Variants in MIPEP observed in about 807,000 individuals in gnomAD.
The protein encoded by MIPEP is mitochondrial intermediate peptidase.
In MIPEP, 79 loss-of-function variants were observed where a neutral mutation model predicts 90.3. The observed-to-expected ratio is 0.87, with a 90% CI of 0.73 to 1.05. MIPEP has a LOEUF of 1.05. Ranked by LOEUF, MIPEP falls within the 50% of genes least tolerant of loss-of-function variation. The probability of loss-of-function intolerance (pLI) is 0.00; values close to 1 mark genes in which losing one functional copy is unlikely to be tolerated. For missense variants in MIPEP, 940 were observed against 905.6 expected, an observed-to-expected ratio of 1.04 and a Z score of -0.49; for synonymous variants, 334 against 315.8, an observed-to-expected ratio of 1.06 and a Z score of -0.61.
At chr13:23,779,916 G>A (rs1449608650) in intron 16 of MIPEP, among the ~76,000 whole-genome samples, 2 of 152,196 alleles carry the variant, frequency 1.3e-5, no homozygotes, top group South Asian at 2.1e-4. Flanking sequence ...GGGGAGGGGC[G>A]CCCACCATTG....
intron 14 of MIPEP, among the ~76,000 whole-genome samples, chr13:23,816,027 A>G (rs1953232046): frequency 6.6e-6 from 1 of 152,212 alleles, no homozygotes; most frequent in Non-Finnish European, 1.5e-5. Flanking sequence ...GTCTACTGTA[A>G]TTATTACTTC....
intron 2 of MIPEP, among the ~76,000 whole-genome samples, chr13:23,883,379 T>C (rs562244227): frequency 6.6e-5 from 10 of 152,040 alleles, no homozygotes; most frequent in Non-Finnish European, 8.8e-5. Context: ...AGACAACAAA[T>C]ACACAGTGAA....
chr13:23,884,545 C>T (rs1468472005), intron 2 of MIPEP, among the ~76,000 whole-genome samples: 1 of 152,150 alleles, frequency 6.6e-6, no homozygotes, highest in African/African-American at 2.4e-5. Flanking sequence ...CTGCACCACA[C>T]GCTGGCCAGC....
intron 3 of MIPEP, 103 bp downstream of exon 3, chr13:23,881,596 G>A (rs2137536509): frequency 3.1e-6 from 3 of 971,506 alleles, no homozygotes. Flanking sequence ...CCACCCTGCT[G>A]GGTGAGGGAC....
intron 16 of MIPEP, among the ~76,000 whole-genome samples, chr13:23,775,109 C>CTG (rs57354012): frequency 0.015 from 2,197 of 148,956 alleles, 24 homozygotes; most frequent in African/African-American, 0.027. Context: ...TATCAGTTCT[C>CTG]TGTGTGTGTG....
At chr13:23,878,472 C>T (rs1337972798) in intron 4 of MIPEP, among the ~76,000 whole-genome samples, 1 of 151,744 alleles carries the variant, frequency 6.6e-6, no homozygotes, top group African/African-American at 2.4e-5. Context: ...CATATGGAGA[C>T]AAAATAGAAG....
chr13:23,806,726 A>ATCTC (rs1443011744), intron 15 of MIPEP, among the ~76,000 whole-genome samples: 1 of 146,836 alleles, frequency 6.8e-6, no homozygotes, highest in African/African-American at 2.7e-5. Flanking sequence ...ATATCTATCT[A>ATCTC]TCTATCTATC....
chr13:23,853,910 T>C (rs1314386371), intron 10 of MIPEP, among the ~76,000 whole-genome samples: 6 of 151,504 alleles, frequency 4.0e-5, no homozygotes. Context: ...AAGTGGCACA[T>C]GACTGTACAT....
chr13:23,828,414 T>C (rs1027306518), intron 14 of MIPEP, among the ~76,000 whole-genome samples: 2 of 152,332 alleles, frequency 1.3e-5, no homozygotes, highest in South Asian at 4.1e-4. Flanking sequence ...AGTAATTATC[T>C]GGTTAAAAAA....
chr13:23,888,024 C>G (rs1352386238), intron 1 of MIPEP: 1 of 400,938 alleles, frequency 2.5e-6, no homozygotes, highest in Admixed American at 3.3e-5. Context: ...TGCTAAAAAA[C>G]TGAATAAGGC....
At chr13:23,789,250 A>G (rs975570330) in intron 16 of MIPEP, among the ~76,000 whole-genome samples, 6 of 152,188 alleles carry the variant, frequency 3.9e-5, no homozygotes, top group Non-Finnish European at 8.8e-5. Context: ...TTTATTCATC[A>G]TGTTTTATGA....
chr13:23,749,029 T>C (rs1000707644), intron 18 of MIPEP, among the ~76,000 whole-genome samples: 5 of 152,238 alleles, frequency 3.3e-5, no homozygotes, highest in Non-Finnish European at 5.9e-5. Context: ...AATGCCAATA[T>C]TTAGAGATTG....
At position 23,831,386 on chromosome 13, in the gene MIPEP, G is replaced by GGGGA. The variant is rs1555237548; in HGVS notation, c.1653+4853_1653+4854insTCCC. Among the ~76,000 whole-genome samples the GGGGA allele has an allele frequency of 2.9e-5, 2 of 69,416 alleles. 1 individual carries two copies. The highest frequency in any genetic ancestry group is 1.0e-4 in the African/African-American group (2 of 19,710). 45.5% of individuals were successfully genotyped at this position (69,416 alleles called of 152,430 possible). ...GGACAGCCTAGCTTCCCCATGGCGG[G>GGGGA]GGGGGGATGTGGATGGGAATTGCCT... On this transcript the variant is annotated intron_variant, in intron 14 of 18. Coordinates refer to ENST00000382172, the MANE Select transcript of MIPEP (RefSeq NM_005932.4).
intron 12 of MIPEP, among the ~76,000 whole-genome samples, chr13:23,838,144 ATTT>A (rs898826584): frequency 2.0e-5 from 3 of 150,624 alleles, no homozygotes; most frequent in Non-Finnish European, 4.4e-5. Context: ...TCTCTTGGCT[ATTT>A]TTTTTTCTTT....
At chr13:23,798,608 G>A (rs1449302956) in intron 16 of MIPEP, among the ~76,000 whole-genome samples, 3 of 152,194 alleles carry the variant, frequency 2.0e-5, no homozygotes, top group Non-Finnish European at 4.4e-5. Context: ...GGCCTGGTAG[G>A]AGGGGATTGG....
intron 18 of MIPEP, among the ~76,000 whole-genome samples, chr13:23,743,459 A>C (rs1952352485): frequency 6.6e-6 from 1 of 152,220 alleles, no homozygotes; most frequent in Admixed American, 6.5e-5. Flanking sequence ...TCTTGAGAAA[A>C]TCAGACTATC....
At chr13:23,790,638 G>C (rs1355013514) in intron 16 of MIPEP, among the ~76,000 whole-genome samples, 2 of 152,200 alleles carry the variant, frequency 1.3e-5, no homozygotes, top group African/African-American at 4.8e-5. Flanking sequence ...CTGTGGCCCG[G>C]AGCCAGGGCA....
At chr13:23,740,012 TAGG>T (rs1027231238) in intron 18 of MIPEP, among the ~76,000 whole-genome samples, 31 of 152,304 alleles carry the variant, frequency 2.0e-4, no homozygotes, top group Admixed American at 1.5e-3. Context: ...CCCTTCTGGT[TAGG>T]AGAATAATTT....
In MIPEP at chr13:23,878,795, C is replaced by T. The variant is rs574760590; in HGVS notation, c.539+473G>A. The stretch of plus-strand genomic sequence containing the variant: ...TTGACATCCTCCCAGTAGATAAAAT[C>T]GATTTGCTTACATTTTCTGATAGTA... On this transcript the variant is annotated intron_variant, in intron 4 of 18. Coordinates refer to ENST00000382172, the MANE Select transcript of MIPEP (RefSeq NM_005932.4). Among the ~76,000 whole-genome samples the T allele has an allele frequency of 1.7e-4, 26 of 152,226 alleles. No individual in the cohort carries two copies. In the South Asian group the frequency reaches 5.0e-3, roughly 29 times the overall value.
Sources: allele counts gnomAD v4.1 joint callset (sites outside exome capture counted in the v4.1 genomes callset), GRCh38; gene constraint gnomAD v4.1.1; transcripts MANE v1.5; gene names NCBI Gene and HGNC (gene_info 2026-07-23, HGNC 2026-07-21).